The following FLRT2 variants were observed in gnomAD, a reference collection of about 807,000 sequenced individuals.
The protein encoded by FLRT2 is leucine-rich repeat transmembrane protein FLRT2.
FLRT2 carries 15 observed loss-of-function variants against 40.0 expected under a neutral mutation model. That is an observed-to-expected ratio of 0.38 (90% confidence interval 0.25 to 0.58). The LOEUF is 0.58. Ranked by LOEUF, FLRT2 falls within the 20% of genes least tolerant of loss-of-function variation. The pLI, the probability that FLRT2 is intolerant of heterozygous loss-of-function variation, is 0.71. For missense variants in FLRT2, 726 were observed against 840.0 expected (o/e 0.86, Z 1.68); for synonymous variants, 380 against 336.8 (o/e 1.13, Z -1.41).
rs769115922 is a variant in FLRT2 at position 85,621,565 on chromosome 14, G to C, written c.51G>C (p.Lys17Asn). Residue 17 changes from lysine (K) to asparagine (N), a missense_variant, in exon 2 of 2, where the codon AAG (lysine) becomes AAC (asparagine). Around this residue, in one of 3 missense-constraint regions of FLRT2, gnomAD observed 106 missense variants for 121.2 expected, o/e 0.87. Coordinates refer to ENST00000330753, the MANE Select transcript of FLRT2 (RefSeq NM_013231.6). ...CCAGCCATGGGGCTTTTTTCCTGAA[G>C]TCTTGGCTTATCATTTCCCTGGGGC... The part of the protein sequence containing the change: ...KWPSHGAFFL[K>N]SWLIISLGLY... The C allele has an allele frequency of 5.6e-6, 9 of 1,613,902 alleles. No homozygotes were observed. Among genetic ancestry groups the C allele is most frequent in the Non-Finnish European group, 7.6e-6 (9 of 1,180,008 alleles).
At chr14:85,593,019 A>G (rs1449687158) in intron 1 of FLRT2, among the ~76,000 whole-genome samples, 1 of 152,188 alleles carries the variant, frequency 6.6e-6, no homozygotes, top group Non-Finnish European at 1.5e-5. Context: ...CAGTGGATTG[A>G]AAATGTAGAA....
chr14:85,594,538 AC>A (rs1459881684), intron 1 of FLRT2, among the ~76,000 whole-genome samples: 1 of 152,100 alleles, frequency 6.6e-6, no homozygotes, highest in Non-Finnish European at 1.5e-5. Context: ...AATCTCTCTT[AC>A]CCCAGTAGGT....
At chr14:85,584,846 A>G (rs901755543) in intron 1 of FLRT2, among the ~76,000 whole-genome samples, 10 of 141,584 alleles carry the variant, frequency 7.1e-5, no homozygotes, top group Non-Finnish European at 1.4e-4. Context: ...TGTGGGAGCT[A>G]TATGAGGCTT....
chr14:85,551,638 G>A (rs982969238), intron 1 of FLRT2: 1 of 152,144 alleles, frequency 6.6e-6, no homozygotes, highest in Non-Finnish European at 1.5e-5. Flanking sequence ...ACATGGAAAG[G>A]ATGAATATAT....
rs1186517500 is a variant in FLRT2 at position 85,639,324 on chromosome 14, T to G, written c.*15827T>G. The G allele has an allele frequency of 6.6e-6, 1 of 152,134 alleles. No homozygotes were observed. Among genetic ancestry groups the G allele is most frequent in the Non-Finnish European group, 1.5e-5 (1 of 68,026 alleles). 9.4% of individuals were successfully genotyped at this position (152,134 alleles called of 1,614,324 possible). ...TAAGTTGACAAAATCTTGACAGGAGTAAAAGATAATCGAATTCTCTTTGTG... is the reference window on the plus strand; with the variant it reads ...TAAGTTGACAAAATCTTGACAGGAGGAAAAGATAATCGAATTCTCTTTGTG... On this transcript the variant is annotated 3_prime_UTR_variant, in exon 2 of 2. Coordinates refer to ENST00000330753, the MANE Select transcript of FLRT2 (RefSeq NM_013231.6).
rs943771084 is a variant in FLRT2 at position 85,627,200 on chromosome 14, C to T, written c.*3703C>T. The T allele has an allele frequency of 1.2e-5, 2 of 167,052 alleles. No individual in the cohort carries two copies. Among genetic ancestry groups the T allele is most frequent in the African/African-American group, 4.8e-5 (2 of 41,444 alleles). 10.3% of individuals were successfully genotyped at this position (167,052 alleles called of 1,614,324 possible). On this transcript the variant is annotated 3_prime_UTR_variant, in exon 2 of 2. Transcript: ENST00000330753. ...TGCTCATGACTTACCATTCCAGCTGCATGGGAAAGCAAAGCAGAAAACAGT... is the reference window on the plus strand; with the variant it reads ...TGCTCATGACTTACCATTCCAGCTGTATGGGAAAGCAAAGCAGAAAACAGT...
At chr14:85,609,684 C>T (rs1294340791) in intron 1 of FLRT2, among the ~76,000 whole-genome samples, 6 of 152,164 alleles carry the variant, frequency 3.9e-5, no homozygotes, top group South Asian at 2.1e-4. Context: ...GGCACCTGCA[C>T]GCCTTAAATG....
rs1893773647 is a variant in FLRT2 at position 85,628,232 on chromosome 14, A to T, written c.*4735A>T. 6.6e-6 allele frequency: 1 copy of T among 152,308 alleles called. No homozygotes were observed. The highest frequency in any genetic ancestry group is 2.1e-4 in the South Asian group (1 of 4,818). 9.4% of individuals were successfully genotyped at this position (152,308 alleles called of 1,614,324 possible). On this transcript the variant is annotated 3_prime_UTR_variant, in exon 2 of 2. Transcript: ENST00000330753. ...GAAATCTATGTTGTTTAGGATACAG[A>T]TAATGTCATTGTATTTATCCTATCA...
intron 1 of FLRT2, among the ~76,000 whole-genome samples, chr14:85,562,349 G>C (rs748854058): frequency 2.6e-5 from 4 of 152,116 alleles, no homozygotes; most frequent in South Asian, 2.1e-4. Context: ...ACATTGTTTT[G>C]TGTGTTTCTT....
At position 85,648,312 on chromosome 14, in the gene FLRT2, G is replaced by A. The variant is rs1210484831; in HGVS notation, c.*24815G>A. 3 of 152,120 alleles carry A rather than the reference G, an allele frequency of 2.0e-5. No homozygotes were observed. The highest frequency in any genetic ancestry group is 4.4e-5 in the Non-Finnish European group (3 of 68,018). The allele number at this position is 152,120 out of a possible 1,614,324, so 9.4% of individuals were successfully genotyped here. A position where few individuals can be genotyped will look rare whatever the true frequency, so the allele number is the denominator to read the frequency against. On this transcript the variant is annotated 3_prime_UTR_variant, in exon 2 of 2. Transcript: ENST00000330753. ...TTCACATCCTTCTAGGAGTCATCTT[G>A]TACTAAAGAAGCTGTAAGCCCACAT...
chr14:85,530,421 A>G lies in FLRT2; in HGVS notation c.-490A>G, dbSNP rs547279808. 5 of 152,734 alleles carry G rather than the reference A, an allele frequency of 3.3e-5. No individual in the cohort carries two copies. Among genetic ancestry groups the G allele is most frequent in the Admixed American group, 6.5e-5 (1 of 15,278 alleles). 9.5% of individuals were successfully genotyped at this position (152,734 alleles called of 1,614,324 possible). On this transcript the variant is annotated 5_prime_UTR_variant, in exon 1 of 2. Coordinates refer to ENST00000330753, the MANE Select transcript of FLRT2 (RefSeq NM_013231.6). The stretch of plus-strand genomic sequence containing the variant: ...AGGGACCTCGGCGGCGACCCCTAAA[A>G]CAATACCATGCCCCGGGATCCCCGC...
At chr14:85,549,375 G>A (rs1371582593) in intron 1 of FLRT2, among the ~76,000 whole-genome samples, 2 of 152,038 alleles carry the variant, frequency 1.3e-5, no homozygotes, top group Non-Finnish European at 2.9e-5. Flanking sequence ...TTGCCCAGAA[G>A]CTCTTGTCCT....
Position 85,631,552 on chromosome 14 carries a change from T to A in FLRT2, c.*8055T>A, listed in dbSNP as rs1006290536. On this transcript the variant is annotated 3_prime_UTR_variant, in exon 2 of 2. Coordinates refer to ENST00000330753, the MANE Select transcript of FLRT2 (RefSeq NM_013231.6). ...TTGCTTATGGCCAGATGGCTCTTTTTTTAATAGCCCCAGAAAGAGCTGTGG... is the reference window on the plus strand; with the variant it reads ...TTGCTTATGGCCAGATGGCTCTTTTATTAATAGCCCCAGAAAGAGCTGTGG... The A allele has an allele frequency of 1.3e-5, 2 of 152,120 alleles. No homozygotes were observed. The highest frequency in any genetic ancestry group is 4.1e-4 in the South Asian group (2 of 4,826). 9.4% of individuals were successfully genotyped at this position (152,120 alleles called of 1,614,324 possible).
chr14:85,615,188 T>C (rs1893068204), intron 1 of FLRT2, among the ~76,000 whole-genome samples: 1 of 152,134 alleles, frequency 6.6e-6, no homozygotes, highest in African/African-American at 2.4e-5. Flanking sequence ...CCAGGGATGA[T>C]CAGTGGGATC....
At chr14:85,600,528 A>G (rs1892338426) in intron 1 of FLRT2, among the ~76,000 whole-genome samples, 2 of 152,240 alleles carry the variant, frequency 1.3e-5, no homozygotes, top group Non-Finnish European at 2.9e-5. Context: ...ACATCAGAGA[A>G]ACTGATGGAG....
chr14:85,566,549 T>TTGTGTGTGTGTGTGTGTGTGTG (rs61634735), intron 1 of FLRT2, among the ~76,000 whole-genome samples: 117 of 130,938 alleles, frequency 8.9e-4, no homozygotes, highest in South Asian at 1.2e-3. Context: ...ACTTCCATGG[T>TTGTGTGTGTGTGTGTGTGTGTG]TGTGTGTGTG....
At chr14:85,567,263 C>G (rs1890665922) in intron 1 of FLRT2, among the ~76,000 whole-genome samples, 1 of 152,092 alleles carries the variant, frequency 6.6e-6, no homozygotes, top group African/African-American at 2.4e-5. Flanking sequence ...TTTCCCCATC[C>G]CTGGTGGGTG....
At chr14:85,615,848 G>T (rs190124860) in intron 1 of FLRT2, among the ~76,000 whole-genome samples, 1 of 147,758 alleles carries the variant, frequency 6.8e-6, no homozygotes, top group Non-Finnish European at 1.5e-5. Context: ...TCTATTACGC[G>T]ATTGGCAATG....
At chr14:85,599,465 A>G (rs1030851194) in intron 1 of FLRT2, among the ~76,000 whole-genome samples, 6 of 152,168 alleles carry the variant, frequency 3.9e-5, no homozygotes, top group Non-Finnish European at 8.8e-5. Context: ...CATATGTACC[A>G]GGAGAAAACT....
Sources: gnomAD v4.1 joint callset for allele counts (sites outside exome capture counted in the v4.1 genomes callset) on GRCh38, gnomAD v4.1.1 for gene constraint, gnomAD v4.1.1 regional missense constraint, MANE v1.5 for transcripts, NCBI Gene and HGNC (gene_info 2026-07-23, HGNC 2026-07-21) for gene names.